LEUTX: variants seen among roughly 807,000 people sequenced by gnomAD.
LEUTX encodes the protein leucine twenty homeobox, also known as paired-like homeodomain transcription factor LEUTX.
Under a neutral mutation model 4.5 loss-of-function variants are expected in LEUTX, and 5 were observed. That is an observed-to-expected ratio of 1.11 (90% CI 0.58 to 2.34). The LOEUF (loss-of-function observed/expected upper bound fraction) is 2.34. LEUTX is among the 30% of genes most tolerant of loss of function. The pLI is 0.01. For synonymous variants in LEUTX, 89 were observed against 85.1 expected (o/e 1.05, Z -0.25); for missense variants, 233 against 239.4 (o/e 0.97, Z 0.18).
upstream of LEUTX, chr19:39,776,813 G>A (rs927353651): frequency 5.5e-5 from 21 of 381,518 alleles, no homozygotes; most frequent in Middle Eastern, 9.0e-4. Flanking sequence ...CCTGGGAGGC[G>A]GAGGTTGCAC....
chr19:39,785,717 G>C lies in LEUTX; in HGVS notation c.179G>C (p.Arg60Pro), dbSNP rs985819903. The change falls in exon 3 of 3, where the codon CGT becomes CCT. Residue 60 changes from arginine (R) to proline (P), a missense_variant. Physicochemically the swap from Arg to Pro is moderately radical, Grantham distance 103. Coordinates refer to ENST00000638280, the MANE Select transcript of LEUTX (RefSeq NM_001382345.1). ...SVVKIWFKNQ[R>P]AKWKRQQRQQ... ...CCTTAGATCTGGTTCAAGAACCAGC[G>C]TGCCAAATGGAAGAGGCAGCAGCGG... 4 of 1,551,828 alleles carry C rather than the reference G, an allele frequency of 2.6e-6. No homozygotes were observed. The highest frequency in any genetic ancestry group is 3.5e-6 in the Non-Finnish European group (4 of 1,146,970).
Position 39,785,740 on chromosome 19 carries a change from C to G in LEUTX, c.202C>G (p.Arg68Gly). The change falls in exon 3 of 3, where the codon CGG becomes GGG. Residue 68 changes from arginine (R) to glycine (G), a missense_variant. Physicochemically the swap from Arg to Gly is moderately radical, Grantham distance 125. Transcript: ENST00000638280. Reference protein sequence around the residue: ...NQRAKWKRQQRQQMQTRPSLG... With the variant: ...NQRAKWKRQQGQQMQTRPSLG... ...GCGTGCCAAATGGAAGAGGCAGCAG[C>G]GGCAGCAAATGCAGACACGGCCATC... The G allele has an allele frequency of 6.4e-7, 1 of 1,551,760 alleles. No homozygotes were observed. Among genetic ancestry groups the G allele is most frequent in the Non-Finnish European group, 8.7e-7 (1 of 1,146,998 alleles).
chr19:39,781,907 T>G (rs1207390182), intron 1 of LEUTX, among the ~76,000 whole-genome samples: 1 of 152,230 alleles, frequency 6.6e-6, no homozygotes, highest in Non-Finnish European at 1.5e-5. Flanking sequence ...GTGAGCTTTC[T>G]GGGACCATGT....
chr19:39,782,559 A>G (rs559970030), intron 1 of LEUTX, among the ~76,000 whole-genome samples: 54 of 152,276 alleles, frequency 3.5e-4, no homozygotes, highest in African/African-American at 1.2e-3. Context: ...TATTAGCAGC[A>G]TGAGAAACAG....
At position 39,785,902 on chromosome 19, in the gene LEUTX, A is replaced by G. The variant is rs141754227; in HGVS notation, c.364A>G (p.Lys122Glu). The change falls in exon 3 of 3, where the codon AAG becomes GAG. Residue 122 changes from lysine (K) to glutamate (E), a missense_variant. Physicochemically the swap from Lys to Glu is moderately conservative, Grantham distance 56. Transcript: ENST00000638280. ...DHDLREPSGIKNPGGASASAR... is the reference protein window; with the variant it reads ...DHDLREPSGIENPGGASASAR... ...TGATCTACGTGAGCCTTCTGGTATCAAGAATCCTGGAGGAGCCAGCGCCTC... is the reference window on the plus strand; with the variant it reads ...TGATCTACGTGAGCCTTCTGGTATCGAGAATCCTGGAGGAGCCAGCGCCTC... 4 of 1,551,794 alleles carry G rather than the reference A, an allele frequency of 2.6e-6. No individual in the cohort carries two copies. The East Asian group carries it at 9.8e-5, about 38-fold the overall frequency.
intron 1 of LEUTX, among the ~76,000 whole-genome samples, chr19:39,779,401 A>G (rs1967850884): frequency 1.3e-5 from 2 of 152,014 alleles, no homozygotes; most frequent in Non-Finnish European, 2.9e-5. Flanking sequence ...TTTAATTCCC[A>G]TTTCTTTACT....
upstream of LEUTX, chr19:39,776,723 A>G (rs952391907): frequency 2.2e-6 from 1 of 454,178 alleles, no homozygotes; most frequent in Non-Finnish European, 4.4e-6. Context: ...GTGGTAAGAA[A>G]AGTGAGCTGA....
At chr19:39,776,735 A>T, upstream of LEUTX, 1 of 452,674 alleles carries the variant, frequency 2.2e-6, no homozygotes, top group South Asian at 1.6e-5. Flanking sequence ...GTGAGCTGAG[A>T]CTGGGTGCAG....
At chr19:39,783,245 T>TTTATATATATATAAA (rs561804743) in intron 1 of LEUTX, among the ~76,000 whole-genome samples, 5 of 147,210 alleles carry the variant, frequency 3.4e-5, no homozygotes, top group African/African-American at 4.9e-5. Context: ...CATCATATAA[T>TTTATATATATATAAA]TTATATATAT....
At chr19:39,785,505 C>T (rs1426840676) in intron 2 of LEUTX, among the ~76,000 whole-genome samples, 193 bp from the exon 3 acceptor site, 1 of 152,064 alleles carries the variant, frequency 6.6e-6, no homozygotes, top group African/African-American at 2.4e-5. Context: ...AGGTCATATT[C>T]CACCCATTGC....
chr19:39,782,126 C>T (rs147068042), intron 1 of LEUTX, among the ~76,000 whole-genome samples: 39 of 152,212 alleles, frequency 2.6e-4, no homozygotes, highest in African/African-American at 9.1e-4. Context: ...AGTCTATGAC[C>T]GGTTAGGATA....
At chr19:39,784,428 T>C (rs918507632) in intron 1 of LEUTX, 99 bp from the exon 2 acceptor site, 4 of 624,384 alleles carry the variant, frequency 6.4e-6, no homozygotes, top group Non-Finnish European at 1.2e-5. Flanking sequence ...AGGCTGTTGT[T>C]CAGATTCTTT....
rs190764484 is a variant in LEUTX, at chr19:39,784,725, T to C, written c.159+47T>C. ...TAGGTAGCACGCCTAACCCAGAGCT[T>C]CACACACACTTTTGATCATTGTTAT... On this transcript the variant is annotated intron_variant, in intron 2 of 2. Transcript: ENST00000638280. 60 of 1,349,898 alleles carry C rather than the reference T, an allele frequency of 4.4e-5. No individual in the cohort carries two copies. In the Admixed American group the frequency reaches 1.2e-3, roughly 26 times the overall value. 83.6% of individuals were successfully genotyped at this position (1,349,898 alleles called of 1,614,324 possible). A position where few individuals can be genotyped will look rare whatever the true frequency, so the allele number is the denominator to read the frequency against.
intron 1 of LEUTX, among the ~76,000 whole-genome samples, chr19:39,780,377 C>T (rs1374228516): frequency 6.6e-6 from 1 of 152,126 alleles, no homozygotes; most frequent in Non-Finnish European, 1.5e-5. Flanking sequence ...CCTTTAGAAG[C>T]TTCTGGAAAT....
In LEUTX at chr19:39,785,732, G is replaced by C; in HGVS notation, c.194G>C (p.Arg65Thr). 6.4e-7 allele frequency: 1 copy of C among 1,551,750 alleles called. No homozygotes were observed. Among genetic ancestry groups the C allele is most frequent in the Non-Finnish European group, 8.7e-7 (1 of 1,146,998 alleles). Residue 65 changes from arginine (R) to threonine (T), a missense_variant, in exon 3 of 3, where the codon AGG (arginine) becomes ACG (threonine). Coordinates refer to ENST00000638280, the MANE Select transcript of LEUTX (RefSeq NM_001382345.1). ...WFKNQRAKWK[R>T]QQRQQMQTRP... ...AAGAACCAGCGTGCCAAATGGAAGA[G>C]GCAGCAGCGGCAGCAAATGCAGACA...
chr19:39,779,679 A>T (rs1013562960), intron 1 of LEUTX, among the ~76,000 whole-genome samples: 1 of 152,230 alleles, frequency 6.6e-6, no homozygotes, highest in African/African-American at 2.4e-5. Context: ...ATATTTATCA[A>T]CATTTTCCTT....
chr19:39,777,862 C>G (rs1036518669), upstream of LEUTX, among the ~76,000 whole-genome samples: 45 of 152,184 alleles, frequency 3.0e-4, no homozygotes, highest in African/African-American at 1.0e-3. Flanking sequence ...GGCCTTCAGG[C>G]TACCTGCAAT....
Position 39,785,437 on chromosome 19 carries a change from CA to C in LEUTX, c.160-249del, listed in dbSNP as rs74178099. On this transcript the variant is annotated intron_variant, in intron 2 of 2. Coordinates refer to ENST00000638280, the MANE Select transcript of LEUTX (RefSeq NM_001382345.1). Reference sequence around the variant, plus strand: ...TGGGTGACAGAGTGGTAGCTTGTCTCAAAAAAAAAAAATACACCACTAATAA... The same window carrying C: ...TGGGTGACAGAGTGGTAGCTTGTCTCAAAAAAAAAAATACACCACTAATAA... Among the ~76,000 whole-genome samples, 1,174 of 145,214 alleles carry C rather than the reference CA, an allele frequency of 8.1e-3. 13 individuals carry two copies. Among genetic ancestry groups the C allele is most frequent in the African/African-American group, 0.026 (1,008 of 39,386 alleles).
intron 1 of LEUTX, among the ~76,000 whole-genome samples, chr19:39,780,547 T>C (rs1967870298): frequency 6.6e-6 from 1 of 152,296 alleles, no homozygotes; most frequent in South Asian, 2.1e-4. Context: ...CTCTGAAACA[T>C]TTTTTAGTCA....
Sources: gnomAD v4.1 joint callset for allele counts (sites outside exome capture counted in the v4.1 genomes callset) on GRCh38, gnomAD v4.1.1 for gene constraint, MANE v1.5 for transcripts, NCBI Gene and HGNC (gene_info 2026-07-23, HGNC 2026-07-21) for gene names.